SYNPR: variants seen among roughly 807,000 people sequenced by gnomAD.
SYNPR encodes synaptoporin.
SYNPR carries 23 observed loss-of-function variants against 32.9 expected under a neutral mutation model. The observed-to-expected ratio is 0.70, with a 90% CI of 0.50 to 0.99. The LOEUF is 0.99. SYNPR is among the 50% of genes least tolerant of loss of function. The pLI, the probability that SYNPR is intolerant of heterozygous loss-of-function variation, is 0.00. For missense variants in SYNPR, 318 were observed against 349.3 expected, an observed-to-expected ratio of 0.91 and a Z score of 0.71; for synonymous variants, 146 against 135.9, an observed-to-expected ratio of 1.07 and a Z score of -0.52.
At chr3:63,505,482 A>G (rs1701570365) in intron 3 of SYNPR, among the ~76,000 whole-genome samples, 1 of 152,206 alleles carries the variant, frequency 6.6e-6, no homozygotes, top group South Asian at 2.1e-4. Context: ...TCTGGCCATG[A>G]AAATGGTCCC....
intron 2 of SYNPR, among the ~76,000 whole-genome samples, chr3:63,434,158 T>C (rs1407348803): frequency 1.3e-5 from 2 of 152,210 alleles, no homozygotes; most frequent in East Asian, 3.8e-4. Flanking sequence ...CCACGCCTTA[T>C]TTTATTAAGA....
chr3:63,303,350 TG>T (rs1483350846), intron 2 of SYNPR, among the ~76,000 whole-genome samples: 1 of 151,976 alleles, frequency 6.6e-6, no homozygotes, highest in African/African-American at 2.4e-5. Flanking sequence ...GTCCTGACTC[TG>T]CCATTTACTA....
chr3:63,385,408 T>C (rs147864483), intron 2 of SYNPR, among the ~76,000 whole-genome samples: 5 of 152,324 alleles, frequency 3.3e-5, no homozygotes, highest in Non-Finnish European at 7.4e-5. Context: ...AATTTTCCGA[T>C]GGTGTGATTC....
chr3:63,276,638 A>G (rs533084205), upstream of SYNPR, among the ~76,000 whole-genome samples: 1 of 42,464 alleles, frequency 2.4e-5, no homozygotes. Context: ...CCCCTCCCCC[A>G]TAGTTGCATA....
At chr3:63,389,955 A>G (rs1178545087) in intron 2 of SYNPR, among the ~76,000 whole-genome samples, 1 of 152,268 alleles carries the variant, frequency 6.6e-6, no homozygotes, top group Non-Finnish European at 1.5e-5. Context: ...TGTAGTTAAT[A>G]GCAAGCCCAC....
intron 2 of SYNPR, among the ~76,000 whole-genome samples, chr3:63,347,898 T>C (rs1021806124): frequency 1.3e-5 from 2 of 151,554 alleles, no homozygotes; most frequent in African/African-American, 4.9e-5. Context: ...TGTGTGTGTG[T>C]GTGTGTGTGT....
intron 3 of SYNPR, among the ~76,000 whole-genome samples, chr3:63,499,268 G>A (rs1701433624): frequency 1.3e-5 from 2 of 152,162 alleles, no homozygotes; most frequent in Admixed American, 6.5e-5. Context: ...TGGGGTCCAA[G>A]AACTGGAAGG....
chr3:63,308,672 T>C (rs989651974), intron 2 of SYNPR, among the ~76,000 whole-genome samples: 7 of 151,936 alleles, frequency 4.6e-5, no homozygotes, highest in Admixed American at 2.6e-4. Context: ...TAACAAGAAA[T>C]TTTCTGTAAT....
chr3:63,260,787 C>A (rs893187890), intron 2 of SYNPR, among the ~76,000 whole-genome samples: 12 of 151,616 alleles, frequency 7.9e-5, no homozygotes, highest in African/African-American at 2.9e-4. Context: ...AACAGGCAAC[C>A]TACAGAATGG....
intron 2 of SYNPR, among the ~76,000 whole-genome samples, chr3:63,453,750 C>G (rs1341400646): frequency 1.3e-5 from 2 of 152,096 alleles, no homozygotes; most frequent in African/African-American, 4.8e-5. Flanking sequence ...TTTTGAGCCT[C>G]CGTTTTCTCG....
At chr3:63,343,070 G>A (rs1390664755) in intron 2 of SYNPR, among the ~76,000 whole-genome samples, 4 of 152,092 alleles carry the variant, frequency 2.6e-5, no homozygotes, top group African/African-American at 7.2e-5. Context: ...AGAGCTTTTC[G>A]GGCAGAGGGA....
intron 4 of SYNPR, among the ~76,000 whole-genome samples, chr3:63,595,959 A>G (rs1200702088): frequency 3.5e-5 from 3 of 86,264 alleles, no homozygotes; most frequent in Admixed American, 1.1e-4. Context: ...TTTTATATAT[A>G]TAGTTTTATA....
At chr3:63,496,261 T>A (rs781564569) in intron 3 of SYNPR, among the ~76,000 whole-genome samples, 29 of 152,134 alleles carry the variant, frequency 1.9e-4, no homozygotes, top group Non-Finnish European at 3.8e-4. Flanking sequence ...TATGCATTCA[T>A]TTTTATAATT....
intron 1 of SYNPR, among the ~76,000 whole-genome samples, chr3:63,238,999 C>A (rs2086218504): frequency 6.6e-6 from 1 of 151,968 alleles, no homozygotes; most frequent in South Asian, 2.1e-4. Flanking sequence ...TTGGTTTAAA[C>A]ACAACCAAGA....
intron 2 of SYNPR, among the ~76,000 whole-genome samples, chr3:63,338,693 CT>C (rs995553720): frequency 1.3e-5 from 2 of 152,192 alleles, no homozygotes; most frequent in African/African-American, 4.8e-5. Flanking sequence ...GATGAAAAGC[CT>C]GTCCAAGGAC....
intron 2 of SYNPR, among the ~76,000 whole-genome samples, chr3:63,448,929 G>C (rs1009969244): frequency 3.3e-5 from 5 of 152,122 alleles, no homozygotes; most frequent in Non-Finnish European, 7.4e-5. Context: ...CTCAGTGAAG[G>C]AACAAGAGTG....
chr3:63,584,241 G>A (rs1703143463), intron 4 of SYNPR, among the ~76,000 whole-genome samples: 1 of 152,112 alleles, frequency 6.6e-6, no homozygotes, highest in Admixed American at 6.6e-5. Context: ...CTTGTGTGGT[G>A]AGAAAACCTC....
At chr3:63,329,888 C>T (rs2087207129) in intron 2 of SYNPR, among the ~76,000 whole-genome samples, 1 of 152,148 alleles carries the variant, frequency 6.6e-6, no homozygotes, top group South Asian at 2.1e-4. Flanking sequence ...CTAGCAGCTG[C>T]CTCTCTTATC....
intron 2 of SYNPR, among the ~76,000 whole-genome samples, chr3:63,449,147 A>G (rs562398006): frequency 3.7e-4 from 57 of 152,328 alleles, no homozygotes; most frequent in Middle Eastern, 6.8e-3. Flanking sequence ...AAAAGTAAAG[A>G]AGATAAAGAA....
Sources: allele counts gnomAD v4.1 joint callset (sites outside exome capture counted in the v4.1 genomes callset), GRCh38; gene constraint gnomAD v4.1.1; transcripts MANE v1.5; gene names NCBI Gene and HGNC (gene_info 2026-07-23, HGNC 2026-07-21).